HCRTR2: variants seen among roughly 807,000 people sequenced by gnomAD.
HCRTR2 encodes orexin receptor type 2.
HCRTR2 carries 22 observed loss-of-function variants against 49.0 expected under a neutral mutation model. The observed-to-expected ratio is 0.45, with a 90% confidence interval of 0.32 to 0.64. The LOEUF (loss-of-function observed/expected upper bound fraction) is 0.64, where lower values mean the gene tolerates loss of function less well. Among genes scored for constraint, HCRTR2 ranks in the 30% least tolerant of loss-of-function variants. The probability of loss-of-function intolerance (pLI) is 0.04; values close to 1 mark genes in which losing one functional copy is unlikely to be tolerated. For missense variants in HCRTR2, 491 were observed against 559.4 expected (o/e 0.88, Z 1.23); for synonymous variants, 236 against 205.3 (o/e 1.15, Z -1.28).
At chr6:55,253,320 C>T (rs954401618) in intron 2 of HCRTR2, among the ~76,000 whole-genome samples, 1 of 152,052 alleles carries the variant, frequency 6.6e-6, no homozygotes, top group Non-Finnish European at 1.5e-5. Context: ...GATAGTTCAT[C>T]CTGACAGCCC....
At chr6:55,236,074 T>C (rs2127302324) in intron 1 of HCRTR2, among the ~76,000 whole-genome samples, 1 of 152,164 alleles carries the variant, frequency 6.6e-6, no homozygotes, top group Middle Eastern at 3.4e-3. Context: ...ATGCATTGAA[T>C]CCATATATCA....
intron 3 of HCRTR2, among the ~76,000 whole-genome samples, chr6:55,259,010 CA>C (rs1241232447): frequency 6.6e-6 from 1 of 152,112 alleles, no homozygotes; most frequent in Non-Finnish European, 1.5e-5. Context: ...GAGATCATGG[CA>C]CTGCACTCCA....
At chr6:55,205,879 C>G (rs1051445047) in intron 1 of HCRTR2, among the ~76,000 whole-genome samples, 5 of 152,016 alleles carry the variant, frequency 3.3e-5, no homozygotes, top group African/African-American at 9.7e-5. Context: ...GTTTCCCTAG[C>G]TTGAATTTTT....
At chr6:55,173,369 C>G (rs75363952), upstream of HCRTR2, among the ~76,000 whole-genome samples, 2,422 of 152,256 alleles carry the variant, frequency 0.016, 68 homozygotes, top group African/African-American at 0.055. Context: ...GGCTTCTACT[C>G]TGAAGCTGAA....
chr6:55,280,899 A>G (rs559001281), intron 6 of HCRTR2, among the ~76,000 whole-genome samples: 4 of 152,280 alleles, frequency 2.6e-5, no homozygotes, highest in African/African-American at 7.2e-5. Context: ...ATTTATCTCA[A>G]TATTTCCCAC....
intron 4 of HCRTR2, among the ~76,000 whole-genome samples, chr6:55,266,859 T>G (rs766592721): frequency 6.6e-6 from 1 of 152,156 alleles, no homozygotes; most frequent in Non-Finnish European, 1.5e-5. Context: ...TTTAAGCATA[T>G]AGTTTGACAT....
At chr6:55,129,471 A>G (rs969776093) in intron 1 of HCRTR2, among the ~76,000 whole-genome samples, 1 of 152,218 alleles carries the variant, frequency 6.6e-6, no homozygotes, top group Non-Finnish European at 1.5e-5. Flanking sequence ...ATCTAGGAAA[A>G]TATGTGTGAG....
chr6:55,179,873 C>G (rs1446974017), intron 1 of HCRTR2, among the ~76,000 whole-genome samples: 1 of 152,156 alleles, frequency 6.6e-6, no homozygotes, highest in African/African-American at 2.4e-5. Context: ...CATATTCTCA[C>G]TCCGCTCCGA....
chr6:55,135,157 T>G (rs188045186), intron 1 of HCRTR2, among the ~76,000 whole-genome samples: 1 of 152,190 alleles, frequency 6.6e-6, no homozygotes, highest in East Asian at 1.9e-4. Context: ...GTAAAAAATA[T>G]TTGTCCAAAT....
intron 1 of HCRTR2, among the ~76,000 whole-genome samples, chr6:55,181,130 C>G (rs547150397): frequency 6.7e-6 from 1 of 149,140 alleles, no homozygotes. Context: ...TCTATATCAC[C>G]GGACAGTGTT....
At chr6:55,127,191 C>G (rs974761651) in intron 1 of HCRTR2, among the ~76,000 whole-genome samples, 2 of 152,054 alleles carry the variant, frequency 1.3e-5, no homozygotes, top group African/African-American at 4.8e-5. Flanking sequence ...AAACCCAGGG[C>G]CCTGGTGGGG....
At position 55,274,763 on chromosome 6, in the gene HCRTR2, T is replaced by C. The variant is rs542805226; in HGVS notation, c.763-2617T>C. Reference sequence around the variant, plus strand: ...ATTTGATAACATATTTTTAAAGAGATTTTTATCTCTATTCATGAAGGATAT... The same window carrying C: ...ATTTGATAACATATTTTTAAAGAGACTTTTATCTCTATTCATGAAGGATAT... On this transcript the variant is annotated intron_variant, in intron 4 of 6. Coordinates refer to ENST00000370862, the MANE Select transcript of HCRTR2 (RefSeq NM_001384272.1). 5.3e-5 allele frequency among the ~76,000 whole-genome samples: 8 copies of C among 152,258 alleles called. No homozygotes were observed. In the South Asian group the frequency reaches 1.4e-3, roughly 28 times the overall value.
intron 1 of HCRTR2, among the ~76,000 whole-genome samples, chr6:55,114,190 G>A (rs879519061): frequency 5.9e-5 from 9 of 151,724 alleles, no homozygotes; most frequent in Non-Finnish European, 1.3e-4. Context: ...CTCAGGTTAT[G>A]GGTGCACCAA....
chr6:55,164,563 G>A (rs554340046), intron 1 of HCRTR2, among the ~76,000 whole-genome samples: 12 of 152,202 alleles, frequency 7.9e-5, no homozygotes, highest in Non-Finnish European at 1.8e-4. Context: ...TCATAAGTGG[G>A]AGTTGAACAA....
chr6:55,275,327 C>G (rs1767057252), intron 4 of HCRTR2, among the ~76,000 whole-genome samples: 1 of 152,102 alleles, frequency 6.6e-6, no homozygotes. Context: ...ATTGAAACCT[C>G]TGAGATTTAC....
chr6:55,147,021 T>C (rs1302273516), intron 1 of HCRTR2, among the ~76,000 whole-genome samples: 1 of 152,182 alleles, frequency 6.6e-6, no homozygotes, highest in East Asian at 1.9e-4. Flanking sequence ...TGAAATTTTT[T>C]TAAAAATCCC....
In HCRTR2 at chr6:55,255,371, G is replaced by A. The variant is rs200068306; in HGVS notation, c.638G>A (p.Arg213His). The A allele has an allele frequency of 8.8e-5, 142 of 1,613,828 alleles. No individual in the cohort carries two copies. Among genetic ancestry groups the A allele is most frequent in the Non-Finnish European group, 1.1e-4 (132 of 1,179,912 alleles). The change falls in exon 3 of 7, where the codon CGC (arginine) becomes CAC (histidine). Residue 213 changes from arginine to histidine, a missense_variant. Transcript: ENST00000370862. ...ACCCTCTTTACGGTGTGTGATGAGC[G>A]CTGGGGTGGTAAGTACCTTATGGCC... Reference protein sequence around the residue: ...KTTLFTVCDERWGGEIYPKMY... With the variant: ...KTTLFTVCDEHWGGEIYPKMY...
chr6:55,181,031 C>T (rs1765125005), intron 1 of HCRTR2, among the ~76,000 whole-genome samples: 1 of 150,608 alleles, frequency 6.6e-6, no homozygotes, highest in Admixed American at 6.6e-5. Flanking sequence ...TGGTCTTGAA[C>T]TCTTGCCCTT....
chr6:55,122,199 T>G (rs1016462586), intron 1 of HCRTR2, among the ~76,000 whole-genome samples: 1 of 152,174 alleles, frequency 6.6e-6, no homozygotes, highest in Non-Finnish European at 1.5e-5. Flanking sequence ...TGGGAGGGTG[T>G]ATGTGTCGAG....
Sources: allele counts gnomAD v4.1 joint callset (sites outside exome capture counted in the v4.1 genomes callset), GRCh38; gene constraint gnomAD v4.1.1; transcripts MANE v1.5; gene names NCBI Gene and HGNC (gene_info 2026-07-23, HGNC 2026-07-21).